CAD: variants seen among roughly 807,000 people sequenced by gnomAD.
CAD encodes the protein multifunctional protein CAD.
CAD carries 81 observed loss-of-function variants against 237.2 expected under a neutral mutation model. The ratio of observed to expected loss-of-function variants is 0.34; its 90% CI spans 0.29 to 0.41. The LOEUF is 0.41. Among genes scored for constraint, CAD ranks in the 10% least tolerant of loss-of-function variants. The probability of loss-of-function intolerance (pLI) is 1.00; values close to 1 mark genes in which losing one functional copy is unlikely to be tolerated. For synonymous variants in CAD, 1,196 were observed against 1,162.8 expected, an observed-to-expected ratio of 1.03 and a Z score of -0.58; for missense variants, 2,181 against 2,951.7, an observed-to-expected ratio of 0.74 and a Z score of 6.05.
chr2:27,227,883 A>T (rs2148069152), intron 15 of CAD, among the ~76,000 whole-genome samples: 1 of 152,356 alleles, frequency 6.6e-6, no homozygotes, highest in East Asian at 1.9e-4. Flanking sequence ...TGCCTTACAG[A>T]GATTGATTAA....
At chr2:27,230,516 C>T (rs1034234942) in intron 15 of CAD, among the ~76,000 whole-genome samples, 1 of 151,938 alleles carries the variant, frequency 6.6e-6, no homozygotes, top group African/African-American at 2.4e-5. Flanking sequence ...ATCACAGCTA[C>T]TCAGGAGGCT....
In CAD at chr2:27,241,470, T is replaced by A; in HGVS notation, c.5883+74T>A. The A allele has an allele frequency of 7.1e-7, 1 of 1,405,222 alleles. No individual in the cohort carries two copies. The highest frequency in any genetic ancestry group is 1.0e-6 in the Non-Finnish European group (1 of 992,840). 87.0% of individuals were successfully genotyped at this position (1,405,222 alleles called of 1,614,324 possible). Reference sequence around the variant, plus strand: ...GCCGCATCAGCGCAGGGCCGCGCAGTGGTCAGAGTGGGTCTTCCTCCCCCT... The same window carrying A: ...GCCGCATCAGCGCAGGGCCGCGCAGAGGTCAGAGTGGGTCTTCCTCCCCCT... On this transcript the variant is annotated intron_variant, in intron 38 of 43. Transcript: ENST00000264705. This position sits in a 1 kb window ranked among gnomAD's most constrained non-coding sequence, Gnocchi z 4.6.
intron 16 of CAD, 94 bp from the exon 17 acceptor site, chr2:27,231,884 TAC>T (rs1479721659): frequency 4.8e-6 from 7 of 1,467,304 alleles, no homozygotes; most frequent in South Asian, 2.5e-5. Context: ...TGCTCTGGTG[TAC>T]AGTTTCCCCT....
intron 8 of CAD, 117 bp from the exon 9 acceptor site, chr2:27,224,228 G>C: frequency 1.7e-6 from 2 of 1,146,596 alleles, no homozygotes; most frequent in Non-Finnish European, 2.5e-6. Context: ...TCCTCCCTCT[G>C]CTCCTCCTGA....
intron 15 of CAD, among the ~76,000 whole-genome samples, chr2:27,231,107 G>A (rs1295515510): frequency 5.3e-5 from 8 of 152,214 alleles, no homozygotes; most frequent in African/African-American, 1.9e-4. Context: ...CCGGGTTCAC[G>A]CCATTTTCCT....
In CAD at chr2:27,223,052, G is replaced by A. The variant is rs1675253572; in HGVS notation, c.809+15G>A. On this transcript the variant is annotated intron_variant, in intron 6 of 43. Transcript: ENST00000264705. ...TACAAGATGAGGTGGGACTTGTGGG[G>A]AGCAGAAGGGGCCCATACTTGTGGC... The A allele has an allele frequency of 6.2e-7, 1 of 1,613,412 alleles. No homozygotes were observed. Among genetic ancestry groups the A allele is most frequent in the Non-Finnish European group, 8.5e-7 (1 of 1,179,682 alleles).
intron 11 of CAD, 28 bp from the exon 12 acceptor site, chr2:27,225,677 G>C: frequency 6.5e-7 from 1 of 1,533,238 alleles, no homozygotes; most frequent in Non-Finnish European, 9.0e-7. Flanking sequence ...GAAATAACCT[G>C]TTTGTTCATC....
In CAD at chr2:27,233,705, ATG is replaced by A; in HGVS notation, c.3299_3300del (p.Val1100GlyfsTer33). The stretch of plus-strand genomic sequence containing the variant: ...TATGTGCTGAGCGGTGCTGCTATGA[ATG>A]TGGCCTACACGGATGGAGACCTGGA... On this transcript the variant is annotated frameshift_variant, in exon 21 of 44. Coordinates refer to ENST00000264705, the MANE Select transcript of CAD (RefSeq NM_004341.5). LOFTEE classifies it high-confidence loss of function. The surrounding 1 kb of genome is among the most constrained non-coding windows in gnomAD (Gnocchi z 6.3). The A allele has an allele frequency of 6.2e-7, 1 of 1,614,124 alleles. No homozygotes were observed. Among genetic ancestry groups the A allele is most frequent in the Non-Finnish European group, 8.5e-7 (1 of 1,180,030 alleles).
At chr2:27,234,333 C>G (rs1204685057) in intron 22 of CAD, 107 bp downstream of exon 22, 10 of 1,244,966 alleles carry the variant, frequency 8.0e-6, no homozygotes, top group Middle Eastern at 4.9e-4. Flanking sequence ...TCCAAGTAGG[C>G]AGGGAAGCTG....
At chr2:27,228,565 G>A (rs1675554560) in intron 15 of CAD, among the ~76,000 whole-genome samples, 1 of 152,198 alleles carries the variant, frequency 6.6e-6, no homozygotes, top group South Asian at 2.1e-4. Flanking sequence ...TTCCAGTCTG[G>A]GTGCCAGGCT....
intron 15 of CAD, among the ~76,000 whole-genome samples, chr2:27,227,927 C>T (rs1330142722): frequency 6.6e-6 from 1 of 152,122 alleles, no homozygotes; most frequent in African/African-American, 2.4e-5. Context: ...ATAATTCAGC[C>T]GTGTATCTAC....
intron 2 of CAD, among the ~76,000 whole-genome samples, chr2:27,219,110 C>G (rs1001096333): frequency 2.0e-5 from 3 of 152,186 alleles, no homozygotes; most frequent in Non-Finnish European, 4.4e-5. Flanking sequence ...TGATTAGGAT[C>G]AGGGTGGGAA....
chr2:27,223,757 G>C lies in CAD; in HGVS notation c.995+9G>C. On this transcript the variant is annotated intron_variant, in intron 7 of 43. Transcript: ENST00000264705. ...AGCTTGCCTTTCTTCAGGTGAGCCT[G>C]GTTGACTGGGTCTGTGAAAATTTGA... 2.5e-6 allele frequency: 4 copies of C among 1,613,192 alleles called. No individual in the cohort carries two copies. The highest frequency in any genetic ancestry group is 3.4e-6 in the Non-Finnish European group (4 of 1,179,204).
intron 8 of CAD, 108 bp downstream of exon 8, chr2:27,224,137 G>A: frequency 4.2e-6 from 4 of 948,340 alleles, no homozygotes; most frequent in Non-Finnish European, 5.0e-6. Flanking sequence ...AGGAGGTTAA[G>A]GGTATTGGGG....
At position 27,233,170 on chromosome 2, in the gene CAD, TGAGTGGCCAGGGTC is replaced by T. The variant is rs769844731; in HGVS notation, c.2991+35_2991+48del. 1 of 1,553,098 alleles carries T rather than the reference TGAGTGGCCAGGGTC, an allele frequency of 6.4e-7. No individual in the cohort carries two copies. The highest frequency in any genetic ancestry group is 1.7e-5 in the Admixed American group (1 of 59,938). ...GGGAGATGGAGGCTTCCTGGTAGCT[TGAGTGGCCAGGGTC>T]GAGTAGAACAGCTGGCTGACCTAAG... On this transcript the variant is annotated intron_variant, in intron 19 of 43. Coordinates refer to ENST00000264705, the MANE Select transcript of CAD (RefSeq NM_004341.5). This position sits in a 1 kb window ranked among gnomAD's most constrained non-coding sequence, Gnocchi z 6.3.
At chr2:27,219,563 T>A (rs2148054239) in intron 2 of CAD, among the ~76,000 whole-genome samples, 1 of 152,140 alleles carries the variant, frequency 6.6e-6, no homozygotes, top group Middle Eastern at 3.4e-3. Flanking sequence ...CAGGCTTGTA[T>A]GTTATCTTTT....
intron 42 of CAD, 68 bp downstream of exon 42, chr2:27,243,041 G>A: frequency 7.1e-7 from 1 of 1,412,140 alleles, no homozygotes; most frequent in Non-Finnish European, 9.9e-7. Context: ...GGACAGAAAG[G>A]CTGGGCTGAG....
chr2:27,228,025 C>A (rs1050024113), intron 15 of CAD, among the ~76,000 whole-genome samples: 1 of 152,210 alleles, frequency 6.6e-6, no homozygotes, highest in African/African-American at 2.4e-5. Flanking sequence ...CTTACAACCA[C>A]AGTTACAAAG....
rs115722065 is a variant in CAD at position 27,241,689 on chromosome 2, G to A, written c.5884-222G>A. On this transcript the variant is annotated intron_variant, in intron 38 of 43. Coordinates refer to ENST00000264705, the MANE Select transcript of CAD (RefSeq NM_004341.5). This position sits in a 1 kb window ranked among gnomAD's most constrained non-coding sequence, Gnocchi z 4.6. ...AGGGTGTGTCCTCCTTTCCCAGCTC[G>A]TTCAGACACTTAATGATGGGTGGTT... 3.7e-4 allele frequency among the ~76,000 whole-genome samples: 57 copies of A among 152,310 alleles called. No homozygotes were observed. Among genetic ancestry groups the A allele is most frequent in the Non-Finnish European group, 2.4e-4 (16 of 68,032 alleles).
Sources: gnomAD v4.1 joint callset for allele counts (sites outside exome capture counted in the v4.1 genomes callset) on GRCh38, gnomAD v4.1.1 for gene constraint, Gnocchi (gnomAD v3.1) non-coding constraint, MANE v1.5 for transcripts, NCBI Gene and HGNC (gene_info 2026-07-23, HGNC 2026-07-21) for gene names.